Variants in IFT52 observed in about 807,000 individuals in gnomAD.
IFT52 encodes intraflagellar transport 52.
IFT52 carries 44 observed loss-of-function variants against 54.4 expected under a neutral mutation model. The observed-to-expected ratio is 0.81, with a 90% CI of 0.63 to 1.04. The LOEUF (loss-of-function observed/expected upper bound fraction) is 1.04. Among genes scored for constraint, IFT52 ranks in the 50% least tolerant of loss-of-function variants. The pLI is 0.00. For synonymous variants in IFT52, 181 were observed against 185.3 expected, an observed-to-expected ratio of 0.98 and a Z score of 0.19; for missense variants, 452 against 523.6, an observed-to-expected ratio of 0.86 and a Z score of 1.33.
rs1297482692 is a variant in IFT52 at position 43,647,203 on chromosome 20, A to T, written c.*220A>T. 1 of 567,568 alleles carries T rather than the reference A, an allele frequency of 1.8e-6. No homozygotes were observed. Among genetic ancestry groups the T allele is most frequent in the Non-Finnish European group, 3.1e-6 (1 of 320,932 alleles). 35.2% of individuals were successfully genotyped at this position (567,568 alleles called of 1,614,324 possible). A position where few individuals can be genotyped will look rare whatever the true frequency, so the allele number is the denominator to read the frequency against. ...TTTTAAAAATTAAATGTATGGTTGC[A>T]TCTGTCTTTTTATACCCTATGAAAC... On this transcript the variant is annotated 3_prime_UTR_variant, in exon 14 of 14. Coordinates refer to ENST00000373030, the MANE Select transcript of IFT52 (RefSeq NM_016004.5).
intron 6 of IFT52, among the ~76,000 whole-genome samples, chr20:43,608,998 G>A (rs1431059206): frequency 6.6e-6 from 1 of 152,084 alleles, no homozygotes; most frequent in Non-Finnish European, 1.5e-5. Flanking sequence ...CACTTTGGGA[G>A]GTCGAGATGG....
At chr20:43,636,072 C>T in intron 11 of IFT52, 59 bp downstream of exon 11, 1 of 1,529,456 alleles carries the variant, frequency 6.5e-7, no homozygotes, top group Non-Finnish European at 9.1e-7. Flanking sequence ...CTTATCTTGT[C>T]AGCAGGCATT....
At chr20:43,632,248 A>T (rs1374977388) in intron 10 of IFT52, among the ~76,000 whole-genome samples, 1 of 145,248 alleles carries the variant, frequency 6.9e-6, no homozygotes, top group Non-Finnish European at 1.5e-5. Flanking sequence ...AATATTTATC[A>T]GTTCCTGACA....
At chr20:43,640,013 A>T (rs1361391753) in intron 12 of IFT52, among the ~76,000 whole-genome samples, 2 of 151,848 alleles carry the variant, frequency 1.3e-5, no homozygotes, top group African/African-American at 4.8e-5. Context: ...GAATAAACAA[A>T]ATTAGCCGGG....
chr20:43,629,617 G>C (rs6103400), intron 10 of IFT52, among the ~76,000 whole-genome samples: 87 of 151,974 alleles, frequency 5.7e-4, no homozygotes, highest in African/African-American at 2.0e-3. Context: ...TCTGCCAAGA[G>C]CCTGCAAATA....
In IFT52 at chr20:43,618,564, C is replaced by T. The variant is rs1008679602; in HGVS notation, c.613-376C>T. 3.3e-5 allele frequency among the ~76,000 whole-genome samples: 5 copies of T among 152,118 alleles called. No homozygotes were observed. In the East Asian group the frequency reaches 5.8e-4, roughly 18 times the overall value. The stretch of plus-strand genomic sequence containing the variant: ...TGGCGCGATCTCAGCTCACTGCAAC[C>T]TCCGCCTCCTAAGTTCAAGCGATTT... On this transcript the variant is annotated intron_variant, in intron 7 of 13. Transcript: ENST00000373030.
At chr20:43,642,720 C>A in intron 13 of IFT52, 96 bp downstream of exon 13, 1 of 1,268,364 alleles carries the variant, frequency 7.9e-7, no homozygotes, top group Non-Finnish European at 1.1e-6. Flanking sequence ...TTGATTCAGC[C>A]TGTAAATATT....
intron 1 of IFT52, among the ~76,000 whole-genome samples, chr20:43,591,443 TTA>T (rs1981511381): frequency 6.6e-6 from 1 of 152,342 alleles, no homozygotes; most frequent in East Asian, 1.9e-4. Context: ...TTTGTTATTT[TTA>T]TAGTTTTAAA....
At position 43,641,213 on chromosome 20, in the gene IFT52, G is replaced by C. The variant is rs375351972; in HGVS notation, c.1121-1266G>C. Among the ~76,000 whole-genome samples, 19 of 148,062 alleles carry C rather than the reference G, an allele frequency of 1.3e-4. 1 individual carries two copies. Among genetic ancestry groups the C allele is most frequent in the African/African-American group, 4.0e-4 (16 of 40,274 alleles). ...TTCTATAATATTGTTTGTTTTTTGGGGTTTTGTTTTGTTTTGTTTTGTTTT... is the reference window on the plus strand; with the variant it reads ...TTCTATAATATTGTTTGTTTTTTGGCGTTTTGTTTTGTTTTGTTTTGTTTT... On this transcript the variant is annotated intron_variant, in intron 12 of 13. Transcript: ENST00000373030.
chr20:43,633,636 A>G (rs1224509862), intron 10 of IFT52, among the ~76,000 whole-genome samples: 1 of 152,048 alleles, frequency 6.6e-6, no homozygotes, highest in Non-Finnish European at 1.5e-5. Context: ...TGAACCCGGG[A>G]GGCAGAGGTT....
chr20:43,596,364 A>C lies in IFT52; in HGVS notation c.120-71A>C, dbSNP rs112680199. 1.9e-4 allele frequency: 183 copies of C among 980,192 alleles called. No individual in the cohort carries two copies. In the African/African-American group the frequency reaches 2.6e-3, roughly 14 times the overall value. 60.7% of individuals were successfully genotyped at this position (980,192 alleles called of 1,614,324 possible). ...TGTGGCCTCTGCTTCCAAATAGTTAAGAGACTAAAATAATACATAAATTGG... is the reference window on the plus strand; with the variant it reads ...TGTGGCCTCTGCTTCCAAATAGTTACGAGACTAAAATAATACATAAATTGG... On this transcript the variant is annotated intron_variant, in intron 2 of 13. Transcript: ENST00000373030.
chr20:43,625,448 C>A (rs1170412836), intron 10 of IFT52, among the ~76,000 whole-genome samples: 1 of 151,814 alleles, frequency 6.6e-6, no homozygotes, highest in Non-Finnish European at 1.5e-5. Flanking sequence ...GCAGAGATGG[C>A]GGTGAGTCAA....
chr20:43,634,056 C>G (rs189716304), intron 10 of IFT52, among the ~76,000 whole-genome samples: 1 of 151,610 alleles, frequency 6.6e-6, no homozygotes, highest in East Asian at 2.0e-4. Flanking sequence ...GCTCGTAGTC[C>G]TGGCTACTCA....
chr20:43,642,775 A>G (rs1986010710), intron 13 of IFT52, 151 bp downstream of exon 13: 1 of 716,530 alleles, frequency 1.4e-6, no homozygotes, highest in South Asian at 2.0e-5. Flanking sequence ...TAAACCCTGT[A>G]CTTATGGAAC....
chr20:43,646,989 A>G lies in IFT52; in HGVS notation c.*6A>G. On this transcript the variant is annotated 3_prime_UTR_variant, in exon 14 of 14. Transcript: ENST00000373030. ...CATTCCAGAACAATTTCTGAAGACC[A>G]TGCCTCTTGAAGCTTTTTCTGCCTC... 6.2e-7 allele frequency: 1 copy of G among 1,612,702 alleles called. No homozygotes were observed. Among genetic ancestry groups the G allele is most frequent in the South Asian group, 1.1e-5 (1 of 91,024 alleles).
intron 2 of IFT52, among the ~76,000 whole-genome samples, chr20:43,595,147 C>G (rs538448302): frequency 6.6e-6 from 1 of 151,758 alleles, no homozygotes; most frequent in Admixed American, 6.6e-5. Flanking sequence ...AACCCCATCG[C>G]TACTAAAAAT....
At chr20:43,613,332 T>C (rs531739995) in intron 6 of IFT52, among the ~76,000 whole-genome samples, 1 of 152,348 alleles carries the variant, frequency 6.6e-6, no homozygotes, top group South Asian at 2.1e-4. Flanking sequence ...CATCAGGGGC[T>C]TCTTTAGTTC....
intron 3 of IFT52, among the ~76,000 whole-genome samples, chr20:43,601,142 G>A (rs1431855088): frequency 2.0e-5 from 3 of 151,788 alleles, no homozygotes; most frequent in Non-Finnish European, 2.9e-5. Flanking sequence ...CCCTTCACCC[G>A]CTAAAATGTC....
At chr20:43,602,535 A>G (rs1472107477) in intron 3 of IFT52, among the ~76,000 whole-genome samples, 1 of 151,720 alleles carries the variant, frequency 6.6e-6, no homozygotes. Flanking sequence ...TTGAGATGGA[A>G]TCTTGCTCTG....
Sources: gnomAD v4.1 joint callset for allele counts (sites outside exome capture counted in the v4.1 genomes callset) on GRCh38, gnomAD v4.1.1 for gene constraint, MANE v1.5 for transcripts, NCBI Gene and HGNC (gene_info 2026-07-23, HGNC 2026-07-21) for gene names.